Variants in BRAF observed in about 807,000 individuals in gnomAD.
BRAF encodes the protein B-Raf proto-oncogene, serine/threonine kinase, also known as serine/threonine-protein kinase B-raf.
In BRAF, 16 loss-of-function variants were observed where a neutral mutation model predicts 104.6. The ratio of observed to expected loss-of-function variants is 0.15; its 90% confidence interval spans 0.10 to 0.23. The LOEUF is 0.23. Ranked by LOEUF, BRAF falls within the 10% of genes least tolerant of loss-of-function variation. The probability of loss-of-function intolerance (pLI) is 1.00; values close to 1 mark genes in which losing one functional copy is unlikely to be tolerated. For synonymous variants in BRAF, 310 were observed against 341.6 expected, an observed-to-expected ratio of 0.91 and a Z score of 1.02; for missense variants, 541 against 937.3, an observed-to-expected ratio of 0.58 and a Z score of 5.52.
In BRAF at chr7:140,787,694, C is replaced by T. The variant is rs117001169; in HGVS notation, c.1141-110G>A. On this transcript the variant is annotated intron_variant, in intron 8 of 19. Transcript: ENST00000644969. Reference sequence around the variant, plus strand: ...AAAAGAATTATTTTATTAATTAAAACAATACATCTTATAACTATTACACAA... The same window carrying T: ...AAAAGAATTATTTTATTAATTAAAATAATACATCTTATAACTATTACACAA... The T allele has an allele frequency of 6.0e-3, 5,381 of 899,910 alleles. 25 individuals carry two copies. Among genetic ancestry groups the T allele is most frequent in the South Asian group, 0.011 (718 of 67,604 alleles). The allele number at this position is 899,910 out of a possible 1,614,324, so 55.7% of individuals were successfully genotyped here. A position where few individuals can be genotyped will look rare whatever the true frequency, so the allele number is the denominator to read the frequency against.
intron 2 of BRAF, chr7:140,836,371 G>GT: frequency 6.6e-6 from 1 of 152,118 alleles, no homozygotes; most frequent in East Asian, 1.9e-4. Context: ...AAGTCTGAAT[G>GT]TAAGGGAGGA....
intron 19 of BRAF, chr7:140,732,120 G>A (rs1585921404): frequency 1.6e-5 from 2 of 123,888 alleles, no homozygotes; most frequent in South Asian, 2.9e-4. Flanking sequence ...GCAGTGAGCC[G>A]AGATCCCGCC....
At chr7:140,802,011 A>T (rs1231245117) in intron 5 of BRAF, among the ~76,000 whole-genome samples, 1 of 152,186 alleles carries the variant, frequency 6.6e-6, no homozygotes, top group African/African-American at 2.4e-5. Context: ...AAAAACTACT[A>T]ATAAAAATAT....
chr7:140,914,416 G>C (rs1817350545), intron 1 of BRAF, among the ~76,000 whole-genome samples: 1 of 152,190 alleles, frequency 6.6e-6, no homozygotes, highest in Non-Finnish European at 1.5e-5. Flanking sequence ...AATATCATCA[G>C]TGTTAGAGGC....
At chr7:140,806,518 T>C (rs1273747962) in intron 5 of BRAF, among the ~76,000 whole-genome samples, 1 of 152,186 alleles carries the variant, frequency 6.6e-6, no homozygotes, top group Non-Finnish European at 1.5e-5. Context: ...AATCCTTCTG[T>C]GGCAAGGACC....
At chr7:140,915,187 A>AGG (rs983104973) in intron 1 of BRAF, among the ~76,000 whole-genome samples, 1 of 152,108 alleles carries the variant, frequency 6.6e-6, no homozygotes, top group Non-Finnish European at 1.5e-5. Flanking sequence ...AAATGGTACA[A>AGG]GGTAAAAAAT....
chr7:140,881,515 A>T (rs994242688), intron 1 of BRAF, among the ~76,000 whole-genome samples: 4 of 152,176 alleles, frequency 2.6e-5, no homozygotes, highest in Non-Finnish European at 5.9e-5. Flanking sequence ...TTGGCCTCTT[A>T]AAAGTGCTGG....
At chr7:140,813,888 TACACACACACACAC>T (rs147877017) in intron 3 of BRAF, among the ~76,000 whole-genome samples, 2 of 147,374 alleles carry the variant, frequency 1.4e-5, no homozygotes, top group African/African-American at 2.5e-5. Context: ...GACGCATACA[TACACACACACACAC>T]ACACACACAC....
chr7:140,734,786 G>GAAAAAAAAAAAT lies in BRAF; in HGVS notation c.2248-17_2248-16insATTTTTTTTTTT. 1 of 821,494 alleles carries GAAAAAAAAAAAT rather than the reference G, an allele frequency of 1.2e-6. No individual in the cohort carries two copies. The highest frequency in any genetic ancestry group is 1.5e-6 in the Non-Finnish European group (1 of 662,044). 50.9% of individuals were successfully genotyped at this position (821,494 alleles called of 1,614,324 possible). A position where few individuals can be genotyped will look rare whatever the true frequency, so the allele number is the denominator to read the frequency against. ...AGGCGAGAATCTACAAAAAAAAAAA[G>GAAAAAAAAAAAT]AAAAAAAAAAGAAAAAAAAAGAAAA... On this transcript the variant is annotated splice_polypyrimidine_tract_variant and intron_variant, in intron 18 of 19. Coordinates refer to ENST00000644969, the MANE Select transcript of BRAF (RefSeq NM_001374258.1).
chr7:140,739,165 C>G (rs1796689545), intron 18 of BRAF, among the ~76,000 whole-genome samples: 1 of 151,812 alleles, frequency 6.6e-6, no homozygotes, highest in Admixed American at 6.6e-5. Context: ...CCGTGGACCA[C>G]CAGGGGATCC....
intron 1 of BRAF, among the ~76,000 whole-genome samples, chr7:140,853,475 T>C (rs1425254997): frequency 6.6e-6 from 1 of 152,178 alleles, no homozygotes; most frequent in Non-Finnish European, 1.5e-5. Flanking sequence ...CCCTCTGCTA[T>C]TTGTCTAGCT....
chr7:140,805,547 CT>C, intron 5 of BRAF, among the ~76,000 whole-genome samples: 1 of 151,898 alleles, frequency 6.6e-6, no homozygotes, highest in South Asian at 2.1e-4. Flanking sequence ...TGGGTCACAG[CT>C]TACACTTAAT....
At chr7:140,821,312 T>G (rs951600439) in intron 3 of BRAF, among the ~76,000 whole-genome samples, 13 of 149,132 alleles carry the variant, frequency 8.7e-5, no homozygotes, top group Non-Finnish European at 1.9e-4. Context: ...TTTTTTTTTT[T>G]TTTTTGAGAC....
intron 1 of BRAF, among the ~76,000 whole-genome samples, chr7:140,913,300 C>T (rs1349152320): frequency 6.6e-6 from 1 of 151,906 alleles, no homozygotes; most frequent in Non-Finnish European, 1.5e-5. Context: ...GGGTAGAGAC[C>T]TTTGTTTTGT....
intron 12 of BRAF, among the ~76,000 whole-genome samples, chr7:140,779,595 G>GT (rs1222273851): frequency 6.6e-6 from 1 of 152,194 alleles, no homozygotes; most frequent in Non-Finnish European, 1.5e-5. Flanking sequence ...CACTCAGAAA[G>GT]TTTTGGATTT....
intron 1 of BRAF, among the ~76,000 whole-genome samples, chr7:140,922,150 AC>A (rs1818292106): frequency 1.3e-5 from 2 of 152,238 alleles, no homozygotes; most frequent in African/African-American, 4.8e-5. Flanking sequence ...TCACCACTAA[AC>A]ATTAAAACCT....
In BRAF at chr7:140,721,099, A is replaced by G. The variant is rs1438498928; in HGVS notation, c.*5395T>C. 3.8e-6 allele frequency: 4 copies of G among 1,064,382 alleles called. No homozygotes were observed. The highest frequency in any genetic ancestry group is 4.6e-6 in the Non-Finnish European group (4 of 878,862). The allele number at this position is 1,064,382 out of a possible 1,614,324, so 65.9% of individuals were successfully genotyped here. On this transcript the variant is annotated 3_prime_UTR_variant, in exon 20 of 20. Transcript: ENST00000644969. ...TTAAAAAAAAATGCACCTCTAAAAA[A>G]TGGATACACTGGCTTACATTGGCTG...
At chr7:140,776,546 G>T (rs1800354818) in intron 14 of BRAF, among the ~76,000 whole-genome samples, 1 of 152,156 alleles carries the variant, frequency 6.6e-6, no homozygotes, top group South Asian at 2.1e-4. Flanking sequence ...CGGGCACTCA[G>T]AGAAACTGAT....
chr7:140,847,327 A>T (rs1808669451), intron 2 of BRAF, among the ~76,000 whole-genome samples: 1 of 152,174 alleles, frequency 6.6e-6, no homozygotes. Context: ...TCACGCCTGT[A>T]ATCCCAGCAC....
Sources: gnomAD v4.1 joint callset for allele counts (sites outside exome capture counted in the v4.1 genomes callset) on GRCh38, gnomAD v4.1.1 for gene constraint, MANE v1.5 for transcripts, NCBI Gene and HGNC (gene_info 2026-07-23, HGNC 2026-07-21) for gene names.